Variants in BBS9 observed in about 807,000 individuals in gnomAD.
BBS9 encodes protein PTHB1.
Under a neutral mutation model 117.7 loss-of-function variants are expected in BBS9, and 89 were observed. The observed-to-expected ratio is 0.76, with a 90% confidence interval of 0.64 to 0.90. The LOEUF (loss-of-function observed/expected upper bound fraction) is 0.90, where lower values mean the gene tolerates loss of function less well. Among genes scored for constraint, BBS9 ranks in the 40% least tolerant of loss-of-function variants. BBS9 has a pLI of 0.00. For synonymous variants in BBS9, 379 were observed against 370.9 expected, an observed-to-expected ratio of 1.02 and a Z score of -0.25; for missense variants, 982 against 1,042.2, an observed-to-expected ratio of 0.94 and a Z score of 0.80.
chr7:33,585,245 A>G lies in BBS9; in HGVS notation c.2522-19620A>G, dbSNP rs114372432. Reference sequence around the variant, plus strand: ...CTTCTGTGCTAATTCCTTTTTTACTAAGAGGAAACTTCAGTGATTTTCCCA... The same window carrying G: ...CTTCTGTGCTAATTCCTTTTTTACTGAGAGGAAACTTCAGTGATTTTCCCA... On this transcript the variant is annotated intron_variant, in intron 21 of 22. Transcript: ENST00000242067. 3.6e-3 allele frequency among the ~76,000 whole-genome samples: 547 copies of G among 152,190 alleles called. 1 individual carries two copies. The highest frequency in any genetic ancestry group is 0.012 in the African/African-American group (498 of 41,538).
At chr7:33,432,865 T>C (rs1160295960) in intron 19 of BBS9, among the ~76,000 whole-genome samples, 1 of 152,168 alleles carries the variant, frequency 6.6e-6, no homozygotes, top group East Asian at 1.9e-4. Context: ...TACATGATTT[T>C]AGAGTTAAGA....
At chr7:33,218,303 G>T (rs577009813) in intron 5 of BBS9, among the ~76,000 whole-genome samples, 10 of 152,292 alleles carry the variant, frequency 6.6e-5, no homozygotes, top group Middle Eastern at 6.8e-3. Context: ...AAAACTTTCT[G>T]AGTTTGAGTC....
At position 33,383,968 on chromosome 7, in the gene BBS9, G is replaced by A; in HGVS notation, c.1962+130G>A. 3.1e-6 allele frequency: 3 copies of A among 975,374 alleles called. No individual in the cohort carries two copies. In the South Asian group the frequency reaches 5.0e-5, roughly 16 times the overall value. The allele number at this position is 975,374 out of a possible 1,614,324, so 60.4% of individuals were successfully genotyped here. ...TAGTTGTTTTTCTTATGTGGATGGT[G>A]GATTTCGTGAATCCATTCCTGCCCA... is the stretch of plus-strand genomic sequence containing the variant. On this transcript the variant is annotated intron_variant, in intron 18 of 22. Coordinates refer to ENST00000242067, the MANE Select transcript of BBS9 (RefSeq NM_198428.3).
chr7:33,156,776 A>G (rs941482757), intron 4 of BBS9, among the ~76,000 whole-genome samples: 1 of 152,062 alleles, frequency 6.6e-6, no homozygotes, highest in African/African-American at 2.4e-5. Flanking sequence ...TGTTACCACT[A>G]TCATTTTATT....
intron 21 of BBS9, among the ~76,000 whole-genome samples, chr7:33,542,739 G>T (rs1432635607): frequency 1.2e-4 from 17 of 143,788 alleles, no homozygotes; most frequent in East Asian, 4.2e-4. Context: ...GTGTATATGT[G>T]TGTGTATATA....
At chr7:33,198,818 T>A (rs1045621025) in intron 5 of BBS9, among the ~76,000 whole-genome samples, 7 of 151,998 alleles carry the variant, frequency 4.6e-5, no homozygotes, top group African/African-American at 1.7e-4. Flanking sequence ...ACAAAGAAAT[T>A]ATCAACTGAC....
chr7:33,551,698 G>T (rs1259650875), intron 21 of BBS9, among the ~76,000 whole-genome samples: 4 of 152,124 alleles, frequency 2.6e-5, no homozygotes, highest in African/African-American at 9.7e-5. Context: ...TCTGGCAGGG[G>T]ACAGTCAATA....
intron 5 of BBS9, among the ~76,000 whole-genome samples, chr7:33,179,126 C>G (rs193011272): frequency 2.3e-3 from 348 of 152,226 alleles, no homozygotes; most frequent in African/African-American, 8.1e-3. Flanking sequence ...GTTTAATTAG[C>G]TATTTTCAAT....
intron 5 of BBS9, among the ~76,000 whole-genome samples, chr7:33,226,724 T>C (rs1791351955): frequency 6.6e-6 from 1 of 152,200 alleles, no homozygotes; most frequent in African/African-American, 2.4e-5. Context: ...AATGGAGTAC[T>C]GATATATGCC....
At chr7:33,133,863 T>G (rs1460426913) in intron 1 of BBS9, among the ~76,000 whole-genome samples, 2 of 152,190 alleles carry the variant, frequency 1.3e-5, no homozygotes, top group Non-Finnish European at 2.9e-5. Flanking sequence ...TGTTTAAGTG[T>G]TAGAGGAACT....
intron 21 of BBS9, among the ~76,000 whole-genome samples, chr7:33,623,705 A>C (rs1037265536): frequency 2.6e-5 from 4 of 152,220 alleles, no homozygotes; most frequent in Non-Finnish European, 5.9e-5. Flanking sequence ...AATTAAAGCT[A>C]CAAGGATTAA....
intron 19 of BBS9, among the ~76,000 whole-genome samples, chr7:33,399,370 G>A (rs1355906546): frequency 1.3e-5 from 2 of 152,138 alleles, no homozygotes; most frequent in Non-Finnish European, 2.9e-5. Context: ...ACATTAGCTC[G>A]TAAAAACTAT....
chr7:33,351,094 GA>G (rs1415026761), intron 13 of BBS9, 124 bp from the exon 14 acceptor site: 1 of 651,090 alleles, frequency 1.5e-6, no homozygotes, highest in Non-Finnish European at 2.8e-6. Context: ...AAGATTTAAA[GA>G]GTTACTTCAT....
chr7:33,520,011 G>GTTT (rs869240274), intron 20 of BBS9, among the ~76,000 whole-genome samples: 2 of 140,552 alleles, frequency 1.4e-5, no homozygotes, highest in Non-Finnish European at 1.6e-5. Context: ...TCTGAAATAG[G>GTTT]TTTTTTTTTT....
chr7:33,399,217 T>C (rs141046845), intron 19 of BBS9, among the ~76,000 whole-genome samples: 25 of 152,308 alleles, frequency 1.6e-4, no homozygotes, highest in African/African-American at 5.5e-4. Flanking sequence ...TGATGTCTTT[T>C]TTCTTTATTT....
rs768650172 is a variant in BBS9 at position 33,635,338 on chromosome 7, CTG to C, written c.*69_*70del. On this transcript the variant is annotated 3_prime_UTR_variant, in exon 22 of 22. Transcript: ENST00000671952. ...GGACAGGCCAATGGAGAAGGTCCTT[CTG>C]TCTTTGGTCTGTGATGCGAGGAACA... is the stretch of plus-strand genomic sequence containing the variant. 6.2e-4 allele frequency among the ~76,000 whole-genome samples: 94 copies of C among 152,176 alleles called. 2 individuals carry two copies. Among genetic ancestry groups the C allele is most frequent in the Non-Finnish European group, 1.2e-4 (8 of 68,026 alleles).
In BBS9 at chr7:33,581,095, T is replaced by A. The variant is rs113489430; in HGVS notation, c.2522-23770T>A. Among the ~76,000 whole-genome samples the A allele has an allele frequency of 6.2e-3, 925 of 149,116 alleles. 10 individuals are homozygous for A. Among genetic ancestry groups the A allele is most frequent in the African/African-American group, 0.019 (774 of 40,726 alleles). On this transcript the variant is annotated intron_variant, in intron 21 of 22. Coordinates refer to ENST00000242067, the MANE Select transcript of BBS9 (RefSeq NM_198428.3). ...GTATTTTTGTGTGTGTGTGTGTGTGTGAGAGAGAGAGAGAGAGAGAGGAAG... is the reference window on the plus strand; with the variant it reads ...GTATTTTTGTGTGTGTGTGTGTGTGAGAGAGAGAGAGAGAGAGAGAGGAAG...
At chr7:33,274,747 C>G (rs187079568) in intron 9 of BBS9, among the ~76,000 whole-genome samples, 8 of 152,162 alleles carry the variant, frequency 5.3e-5, no homozygotes, top group African/African-American at 1.9e-4. Context: ...GTAATCCCAG[C>G]TCTTTGGGAG....
chr7:33,505,869 C>T, intron 20 of BBS9: 1 of 548,800 alleles, frequency 1.8e-6, no homozygotes, highest in East Asian at 3.3e-5. Flanking sequence ...TTTATGTGGT[C>T]CAGTCTACTT....
Sources: allele counts gnomAD v4.1 joint callset (sites outside exome capture counted in the v4.1 genomes callset), GRCh38; gene constraint gnomAD v4.1.1; transcripts MANE v1.5; gene names NCBI Gene and HGNC (gene_info 2026-07-23, HGNC 2026-07-21).